TBC1D31: variants seen among roughly 807,000 people sequenced by gnomAD.
The protein encoded by TBC1D31 is TBC1 domain family member 31.
Under a neutral mutation model 132.9 loss-of-function variants are expected in TBC1D31, and 99 were observed. That is an observed-to-expected ratio of 0.74 (90% CI 0.63 to 0.88). TBC1D31 has a LOEUF of 0.88. TBC1D31 is among the 40% of genes least tolerant of loss of function. The pLI, the probability that TBC1D31 is intolerant of heterozygous loss-of-function variation, is 0.00. For missense variants in TBC1D31, 1,134 were observed against 1,256.6 expected (o/e 0.90, Z 1.48); for synonymous variants, 385 against 419.4 (o/e 0.92, Z 1.00).
intron 5 of TBC1D31, among the ~76,000 whole-genome samples, chr8:123,096,714 A>G (rs1324758094): frequency 1.3e-5 from 2 of 152,216 alleles, no homozygotes; most frequent in Admixed American, 1.3e-4. Context: ...TAGTATTACC[A>G]CACTTTTTAA....
chr8:123,130,190 T>C lies in TBC1D31; in HGVS notation c.2271-8T>C, dbSNP rs1820477432. ...TATTTGTTCCACTTGATGTATTTTG[T>C]ATTTAAGGCTAGCTGCTGTGAAAAG... On this transcript the variant is annotated splice_polypyrimidine_tract_variant and splice_region_variant and intron_variant, in intron 15 of 21. Transcript: ENST00000287380. The C allele has an allele frequency of 6.2e-7, 1 of 1,602,658 alleles. No homozygotes were observed. Among genetic ancestry groups the C allele is most frequent in the South Asian group, 1.1e-5 (1 of 88,366 alleles).
At chr8:123,100,100 A>T (rs1817235566) in intron 6 of TBC1D31, among the ~76,000 whole-genome samples, 1 of 152,130 alleles carries the variant, frequency 6.6e-6, no homozygotes, top group Non-Finnish European at 1.5e-5. Flanking sequence ...GACGCATTCA[A>T]ATTATATCAT....
chr8:123,141,296 A>T (rs189487178), intron 18 of TBC1D31, among the ~76,000 whole-genome samples: 3 of 152,220 alleles, frequency 2.0e-5, no homozygotes, highest in Admixed American at 6.5e-5. Context: ...GGTTCAAAGC[A>T]TCAGGTCCCT....
At chr8:123,138,591 A>G (rs1821319019) in intron 17 of TBC1D31, among the ~76,000 whole-genome samples, 1 of 152,138 alleles carries the variant, frequency 6.6e-6, no homozygotes. Flanking sequence ...ACTCTCCTAT[A>G]TCCCTGCCCC....
intron 16 of TBC1D31, among the ~76,000 whole-genome samples, chr8:123,131,079 A>G (rs975602746): frequency 3.3e-5 from 5 of 151,576 alleles, no homozygotes; most frequent in Admixed American, 3.3e-4. Flanking sequence ...AAAATGGTTA[A>G]TTGGCTGGGT....
intron 10 of TBC1D31, among the ~76,000 whole-genome samples, chr8:123,113,947 T>C (rs138933444): frequency 2.6e-4 from 39 of 152,158 alleles, no homozygotes; most frequent in Admixed American, 6.5e-4. Context: ...AATGAATGAG[T>C]CTTGTTTAGA....
At chr8:123,087,766 T>C (rs370092742) in intron 4 of TBC1D31, among the ~76,000 whole-genome samples, 2 of 152,346 alleles carry the variant, frequency 1.3e-5, no homozygotes, top group African/African-American at 4.8e-5. Flanking sequence ...AAATTAGGAC[T>C]GTGGAAAATG....
intron 4 of TBC1D31, among the ~76,000 whole-genome samples, chr8:123,086,115 C>T (rs1057280618): frequency 6.6e-6 from 1 of 152,118 alleles, no homozygotes; most frequent in Admixed American, 6.5e-5. Context: ...CCTTTATGTC[C>T]CCTGGCTGTC....
At chr8:123,160,182 C>A in the TBC1D31 span, among the ~76,000 whole-genome samples, 1 of 152,124 alleles carries the variant, frequency 6.6e-6, no homozygotes, top group Non-Finnish European at 1.5e-5. Flanking sequence ...TTCTCAGATT[C>A]TTCCTGGGTT....
Position 123,152,028 on chromosome 8 carries a change from A to G in TBC1D31, c.*89A>G. 1 of 1,237,226 alleles carries G rather than the reference A, an allele frequency of 8.1e-7. No individual in the cohort carries two copies. Among genetic ancestry groups the G allele is most frequent in the Non-Finnish European group, 1.1e-6 (1 of 950,478 alleles). 76.6% of individuals were successfully genotyped at this position (1,237,226 alleles called of 1,614,324 possible). A position where few individuals can be genotyped will look rare whatever the true frequency, so the allele number is the denominator to read the frequency against. On this transcript the variant is annotated 3_prime_UTR_variant, in exon 22 of 22. Transcript: ENST00000287380. The stretch of plus-strand genomic sequence containing the variant: ...TAGATTATTTATTTAAAATTCCTAT[A>G]AAGATCAGCCCTTTGTACAGAAAAA...
Position 123,144,732 on chromosome 8 carries a change from G to A in TBC1D31, c.2851G>A (p.Gly951Arg). The A allele has an allele frequency of 6.2e-7, 1 of 1,605,240 alleles. No individual in the cohort carries two copies. The highest frequency in any genetic ancestry group is 8.5e-7 in the Non-Finnish European group (1 of 1,177,914). ...EEAKKWKEAEGKEFRLRSAKK... is the reference protein window; with the variant it reads ...EEAKKWKEAERKEFRLRSAKK... ...TTGAATTTAGTGGAAGGAAGCTGAA[G>A]GAAAAGAGTTCCGTTTGAGATCAGC... Residue 951 changes from glycine to arginine, a missense_variant, in exon 20 of 22, where the codon GGA becomes AGA. Physicochemically the swap from Gly to Arg is moderately radical, Grantham distance 125. Transcript: ENST00000287380.
At chr8:123,135,834 T>C (rs1252737171) in intron 17 of TBC1D31, among the ~76,000 whole-genome samples, 2 of 152,218 alleles carry the variant, frequency 1.3e-5, no homozygotes, top group African/African-American at 4.8e-5. Context: ...AGCTAAACTT[T>C]ACTATATTTT....
chr8:123,105,403 A>G lies in TBC1D31; in HGVS notation c.1148A>G (p.Glu383Gly), dbSNP rs914676866. 11 of 1,613,244 alleles carry G rather than the reference A, an allele frequency of 6.8e-6. No homozygotes were observed. The highest frequency in any genetic ancestry group is 9.3e-6 in the Non-Finnish European group (11 of 1,179,652). Residue 383 changes from glutamate to glycine, a missense_variant, in exon 8 of 22, where the codon GAA (glutamate) becomes GGA (glycine). Physicochemically the swap from Glu to Gly is moderately conservative, Grantham distance 98. Transcript: ENST00000287380. ...GRVQQPAKSR[E>G]SKMQTRILKQ... ...GTACAGCAGCCAGCAAAATCTAGGG[A>G]AAGCAAAATGCAAACTAGAATATTA...
chr8:123,083,748 A>G (rs983863096), intron 3 of TBC1D31: 2 of 154,846 alleles, frequency 1.3e-5, no homozygotes, highest in African/African-American at 4.8e-5. Context: ...GAGGCCCTCC[A>G]TATCTCCTGT....
chr8:123,077,030 A>C, intron 1 of TBC1D31, 81 bp from the exon 2 acceptor site: 3 of 1,352,198 alleles, frequency 2.2e-6, no homozygotes, highest in Non-Finnish European at 2.0e-6. Context: ...TGAACAGACG[A>C]AATGCTTTAC....
rs759646390 is a variant in TBC1D31, at chr8:123,093,617, C to T, written c.546C>T (p.Thr182=). The T allele has an allele frequency of 6.2e-7, 1 of 1,608,420 alleles. No homozygotes were observed. Among genetic ancestry groups the T allele is most frequent in the Non-Finnish European group, 8.5e-7 (1 of 1,176,428 alleles). ...TTTTCTTTCTACCATTAAGTAATAC[C>T]ATCCTCAGCTGTTTTAAAGATAATT... The part of the protein sequence containing the change: ...QKVFFLPLSN[T]ILSCFKDNSI... The change falls in exon 5 of 22, where the codon ACC becomes ACT. Residue 182 remains threonine (T), a synonymous_variant. Coordinates refer to ENST00000287380, the MANE Select transcript of TBC1D31 (RefSeq NM_145647.4).
At chr8:123,148,343 A>G (rs964242691) in intron 20 of TBC1D31, among the ~76,000 whole-genome samples, 4 of 152,218 alleles carry the variant, frequency 2.6e-5, no homozygotes, top group Non-Finnish European at 5.9e-5. Context: ...GGTAATCATT[A>G]GTTGTTTGAA....
At chr8:123,128,175 AT>A (rs1820261440) in intron 13 of TBC1D31, 105 bp from the exon 14 acceptor site, 2 of 487,730 alleles carry the variant, frequency 4.1e-6, no homozygotes, top group Non-Finnish European at 7.0e-6. Flanking sequence ...GCAAAAAAAT[AT>A]ATATTCTTAA....
the TBC1D31 span, among the ~76,000 whole-genome samples, chr8:123,161,546 C>T: frequency 0.067 from 10,203 of 152,258 alleles, 468 homozygotes; most frequent in Middle Eastern, 0.1. Context: ...GTTTCCAAAT[C>T]CTTTTCCTCA....
Sources: gnomAD v4.1 joint callset for allele counts (sites outside exome capture counted in the v4.1 genomes callset) on GRCh38, gnomAD v4.1.1 for gene constraint, MANE v1.5 for transcripts, NCBI Gene and HGNC (gene_info 2026-07-23, HGNC 2026-07-21) for gene names.